The following ST13 variants were observed in gnomAD, a reference collection of about 807,000 sequenced individuals.
ST13 encodes the protein ST13 Hsp70 interacting protein.
ST13 carries 23 observed loss-of-function variants against 56.7 expected under a neutral mutation model. The observed-to-expected ratio is 0.41, with a 90% CI of 0.29 to 0.57. ST13 has a LOEUF of 0.57. Ranked by LOEUF, ST13 falls within the 20% of genes least tolerant of loss-of-function variation. The pLI is 0.36. For synonymous variants in ST13, 132 were observed against 142.4 expected (o/e 0.93, Z 0.52); for missense variants, 369 against 459.9 (o/e 0.80, Z 1.81).
At chr22:40,844,785 G>C in intron 4 of ST13, 54 bp downstream of exon 4, 3 of 1,410,296 alleles carry the variant, frequency 2.1e-6, no homozygotes, top group Non-Finnish European at 3.0e-6. Flanking sequence ...CATTGCAACA[G>C]CAGGACCTTT....
intron 1 of ST13, among the ~76,000 whole-genome samples, chr22:40,856,208 C>A (rs1282615219): frequency 2.0e-5 from 3 of 152,186 alleles, no homozygotes; most frequent in African/African-American, 4.8e-5. Context: ...CACCCCTGGG[C>A]AACCTCAGGG....
Position 40,847,591 on chromosome 22 carries a change from G to A in ST13, c.244+703C>T, listed in dbSNP as rs535842621. 1.1e-4 allele frequency among the ~76,000 whole-genome samples: 16 copies of A among 150,876 alleles called. No homozygotes were observed. In the South Asian group the frequency reaches 3.1e-3, roughly 30 times the overall value. On this transcript the variant is annotated intron_variant, in intron 3 of 11. Coordinates refer to ENST00000216218, the MANE Select transcript of ST13 (RefSeq NM_003932.5). ...AAAAAAAAGAAAACTTTTTAAGTAT[G>A]CTTAGAACAACTTTAATATGTAACC...
intron 9 of ST13, among the ~76,000 whole-genome samples, chr22:40,830,156 G>C (rs1010992199): frequency 6.6e-6 from 1 of 151,956 alleles, no homozygotes; most frequent in Non-Finnish European, 1.5e-5. Flanking sequence ...AAATTATTGA[G>C]GAGATATATT....
chr22:40,843,545 A>T (rs2057815226), intron 4 of ST13, among the ~76,000 whole-genome samples: 1 of 151,750 alleles, frequency 6.6e-6, no homozygotes, highest in South Asian at 2.1e-4. Flanking sequence ...CGGTAGATTA[A>T]AGGTGAAAGG....
rs143792500 is a variant in ST13, at chr22:40,832,268, G to T, written c.681+301C>A. On this transcript the variant is annotated intron_variant, in intron 8 of 11. Coordinates refer to ENST00000216218, the MANE Select transcript of ST13 (RefSeq NM_003932.5). ...TCAATCCTGGGTAATGCTAATTATAGATTTTCTATTTGTTTCCTTGTTGTA... is the reference window on the plus strand; with the variant it reads ...TCAATCCTGGGTAATGCTAATTATATATTTTCTATTTGTTTCCTTGTTGTA... The T allele has an allele frequency of 2.9e-5, 14 of 485,114 alleles. No individual in the cohort carries two copies. The East Asian group carries it at 7.9e-4, about 27-fold the overall frequency. The allele number at this position is 485,114 out of a possible 1,614,324, so 30.1% of individuals were successfully genotyped here.
chr22:40,832,099 C>G, intron 8 of ST13: 1 of 443,782 alleles, frequency 2.3e-6, no homozygotes, highest in Non-Finnish European at 4.6e-6. Context: ...CATGATCCAC[C>G]TGCCTCGGCC....
chr22:40,842,860 A>G (rs1176227037), intron 4 of ST13, among the ~76,000 whole-genome samples: 2 of 152,246 alleles, frequency 1.3e-5, no homozygotes, highest in African/African-American at 2.4e-5. Flanking sequence ...ACAAAAATGC[A>G]CAAGACTTAC....
chr22:40,841,437 G>A (rs1308675725), intron 4 of ST13, among the ~76,000 whole-genome samples: 2 of 151,944 alleles, frequency 1.3e-5, no homozygotes, highest in Non-Finnish European at 2.9e-5. Flanking sequence ...GAAAGCTCTG[G>A]AGATCTTTAA....
At chr22:40,844,732 A>G in intron 4 of ST13, 107 bp downstream of exon 4, 1 of 900,508 alleles carries the variant, frequency 1.1e-6, no homozygotes, top group Non-Finnish European at 1.7e-6. Context: ...AGTCAGAGAA[A>G]GATTTACTAT....
At chr22:40,840,576 T>C (rs1049399340) in intron 5 of ST13, 50 bp downstream of exon 5, 1 of 1,514,072 alleles carries the variant, frequency 6.6e-7, no homozygotes, top group South Asian at 1.1e-5. Context: ...TTTAAGTTAC[T>C]GCAATAAATA....
intron 8 of ST13, 46 bp from the exon 9 acceptor site, chr22:40,831,002 A>G (rs1268414317): frequency 5.9e-6 from 7 of 1,190,610 alleles, no homozygotes; most frequent in East Asian, 4.7e-5. Context: ...CAAAAGCTGA[A>G]TAACATCAAC....
intron 4 of ST13, among the ~76,000 whole-genome samples, chr22:40,843,631 A>G (rs1195777497): frequency 6.6e-6 from 1 of 152,230 alleles, no homozygotes; most frequent in Non-Finnish European, 1.5e-5. Flanking sequence ...AAAGCAGAAA[A>G]TATCTGCATT....
chr22:40,855,573 A>C (rs1003683126), intron 1 of ST13, among the ~76,000 whole-genome samples: 20 of 152,144 alleles, frequency 1.3e-4, no homozygotes, highest in African/African-American at 4.6e-4. Context: ...CATTAGTAAT[A>C]ATTTTTTAAA....
chr22:40,845,891 A>G (rs1174111494), intron 3 of ST13, among the ~76,000 whole-genome samples: 1 of 152,170 alleles, frequency 6.6e-6, no homozygotes, highest in East Asian at 1.9e-4. Context: ...GACAAACTAT[A>G]TATATACATA....
intron 1 of ST13, among the ~76,000 whole-genome samples, chr22:40,854,344 C>A (rs1286713718): frequency 6.6e-6 from 1 of 152,188 alleles, no homozygotes; most frequent in South Asian, 2.1e-4. Context: ...TATTAAATAT[C>A]TCAATTTAAG....
Position 40,826,475 on chromosome 22 carries a change from G to A in ST13, c.*63C>T, listed in dbSNP as rs145131177. On this transcript the variant is annotated 3_prime_UTR_variant, in exon 12 of 12. Transcript: ENST00000216218. ...GAGGTACACTGGTTTGTATTATTGC[G>A]ACATCCATAAGGTGATCTAGGTTGC... The A allele has an allele frequency of 5.6e-4, 863 of 1,553,194 alleles. 3 individuals carry two copies. The African/African-American group carries it at 9.3e-3, about 17-fold the overall frequency.
At chr22:40,850,237 G>A (rs913672031) in intron 2 of ST13, among the ~76,000 whole-genome samples, 16 of 152,338 alleles carry the variant, frequency 1.1e-4, no homozygotes, top group African/African-American at 3.6e-4. Context: ...AGACCTGGGT[G>A]ACACAGTGAG....
chr22:40,856,627 C>T lies in ST13; in HGVS notation c.-87G>A. On this transcript the variant is annotated 5_prime_UTR_variant, in exon 1 of 12. Coordinates refer to ENST00000216218, the MANE Select transcript of ST13 (RefSeq NM_003932.5). ...CTCGGCGTGACCGCGCAGAAGGGGG[C>T]GGCTGCCGCAAGACAGAACAGACTA... is the stretch of plus-strand genomic sequence containing the variant. 2 of 1,060,380 alleles carry T rather than the reference C, an allele frequency of 1.9e-6. No homozygotes were observed. Among genetic ancestry groups the T allele is most frequent in the Non-Finnish European group, 2.9e-6 (2 of 692,704 alleles). 65.7% of individuals were successfully genotyped at this position (1,060,380 alleles called of 1,614,324 possible).
chr22:40,849,338 C>T (rs1458930958), intron 2 of ST13, among the ~76,000 whole-genome samples: 2 of 151,716 alleles, frequency 1.3e-5, no homozygotes, highest in Non-Finnish European at 2.9e-5. Context: ...ATTAGCCGGA[C>T]GTGGTGGTGG....
Sources: gnomAD v4.1 joint callset for allele counts (sites outside exome capture counted in the v4.1 genomes callset) on GRCh38, gnomAD v4.1.1 for gene constraint, MANE v1.5 for transcripts, NCBI Gene and HGNC (gene_info 2026-07-23, HGNC 2026-07-21) for gene names.